The following FAM13B variants were observed in gnomAD, a reference collection of about 807,000 sequenced individuals.
The protein encoded by FAM13B is family with sequence similarity 13 member B, also known as protein FAM13B.
In FAM13B, 60 loss-of-function variants were observed where a neutral mutation model predicts 117.3. The observed-to-expected ratio is 0.51, with a 90% CI of 0.42 to 0.63. FAM13B has a LOEUF of 0.63. FAM13B is among the 30% of genes least tolerant of loss of function. The pLI is 0.00. For missense variants in FAM13B, 972 were observed against 1,091.9 expected, an observed-to-expected ratio of 0.89 and a Z score of 1.55; for synonymous variants, 332 against 356.1, an observed-to-expected ratio of 0.93 and a Z score of 0.76.
chr5:138,040,962 G>A (rs1478488033), intron 1 of FAM13B, among the ~76,000 whole-genome samples: 1 of 151,384 alleles, frequency 6.6e-6, no homozygotes, highest in African/African-American at 2.4e-5. Context: ...TACTCGAGAG[G>A]CTAAGGCAGG....
intron 10 of FAM13B, among the ~76,000 whole-genome samples, chr5:137,973,583 G>A (rs549161555): frequency 6.6e-5 from 10 of 152,262 alleles, no homozygotes; most frequent in African/African-American, 2.2e-4. Flanking sequence ...TAAAAGCAAC[G>A]GCAACAAAAG....
intron 10 of FAM13B, among the ~76,000 whole-genome samples, chr5:137,980,152 G>A (rs540074060): frequency 3.4e-5 from 5 of 146,724 alleles, no homozygotes; most frequent in African/African-American, 5.0e-5. Flanking sequence ...TAGCCGGGGC[G>A]ACAAGAATGA....
intron 10 of FAM13B, among the ~76,000 whole-genome samples, chr5:137,976,087 G>A (rs1450111984): frequency 6.7e-6 from 1 of 148,208 alleles, no homozygotes; most frequent in Non-Finnish European, 1.5e-5. Flanking sequence ...CTCCCAAGTA[G>A]CTGGGACTAC....
rs184076564 is a variant in FAM13B, at chr5:137,938,671, T to G, written c.*1554A>C. 1 of 148,784 alleles carries G rather than the reference T, an allele frequency of 6.7e-6. No individual in the cohort carries two copies. Among genetic ancestry groups the G allele is most frequent in the Non-Finnish European group, 1.5e-5 (1 of 67,212 alleles). The allele number at this position is 148,784 out of a possible 1,614,324, so 9.2% of individuals were successfully genotyped here. ...ACCCCCCACCCCCCAGAAAAAGGCA[T>G]TGCACACACGGGTGAAATGTGAAGT... On this transcript the variant is annotated 3_prime_UTR_variant, in exon 24 of 24. Coordinates refer to ENST00000689681, the MANE Select transcript of FAM13B (RefSeq NM_001385994.1).
intron 10 of FAM13B, among the ~76,000 whole-genome samples, chr5:137,980,425 T>C (rs1775366959): frequency 6.8e-6 from 1 of 147,818 alleles, no homozygotes; most frequent in African/African-American, 2.5e-5. Context: ...TATAAAGTAA[T>C]TGATACACTA....
At chr5:137,974,929 A>G (rs1773468018) in intron 10 of FAM13B, among the ~76,000 whole-genome samples, 1 of 152,196 alleles carries the variant, frequency 6.6e-6, no homozygotes, top group African/African-American at 2.4e-5. Flanking sequence ...TGTGAAGTGA[A>G]AATGACACAA....
At chr5:137,971,321 T>A in intron 10 of FAM13B, among the ~76,000 whole-genome samples, 1 of 151,958 alleles carries the variant, frequency 6.6e-6, no homozygotes. Flanking sequence ...TCAAAACTGC[T>A]CAACTACATG....
chr5:137,954,039 CTCTTTT>C, intron 15 of FAM13B, 121 bp downstream of exon 15: 1 of 621,690 alleles, frequency 1.6e-6, no homozygotes. Flanking sequence ...CTCAATCTCT[CTCTTTT>C]TTTTTTTTTT....
At chr5:137,949,205 C>A (rs1053557520) in intron 17 of FAM13B, 21 bp from the exon 18 acceptor site, 1 of 1,588,192 alleles carries the variant, frequency 6.3e-7, no homozygotes, top group Non-Finnish European at 8.6e-7. Context: ...GAAATAAGGA[C>A]AGATCAGTAA....
At position 137,987,522 on chromosome 5, in the gene FAM13B, T is replaced by G. The variant is rs1234805147; in HGVS notation, c.985A>C (p.Ser329Arg). The G allele has an allele frequency of 1.2e-6, 2 of 1,613,558 alleles. No homozygotes were observed. Among genetic ancestry groups the G allele is most frequent in the Admixed American group, 3.3e-5 (2 of 59,990 alleles). Residue 329 changes from serine (S) to arginine (R), a missense_variant, in exon 9 of 24, where the codon AGT (serine) becomes CGT (arginine). Physicochemically the swap from Ser to Arg is moderately radical, Grantham distance 110. Transcript: ENST00000689681. ...TCTGCTTCATTATTACACACCACAC[T>G]TTGCTGTTGTAAATTCTTAAGATCA... The part of the protein sequence containing the change: ...DHDLKNLQQQ[S>R]VVCNNEAESI...
Position 137,940,046 on chromosome 5 carries a change from C to T in FAM13B, c.*179G>A, listed in dbSNP as rs1761176022. ...TTAATATGGAACATCACTTACGCTC[C>T]CTTGAGAGGGCCTACTTACTCTCCC... On this transcript the variant is annotated 3_prime_UTR_variant, in exon 24 of 24. Transcript: ENST00000689681. The T allele has an allele frequency of 6.2e-7, 1 of 1,613,610 alleles. No individual in the cohort carries two copies. The highest frequency in any genetic ancestry group is 1.7e-5 in the Admixed American group (1 of 59,982).
intron 1 of FAM13B, among the ~76,000 whole-genome samples, chr5:138,042,086 G>GA (rs1263599990): frequency 3.9e-5 from 6 of 152,000 alleles, no homozygotes; most frequent in South Asian, 2.1e-4. Context: ...TTATATTGGT[G>GA]AAAAAAATGG....
At chr5:137,948,603 C>T (rs1339825385) in intron 18 of FAM13B, among the ~76,000 whole-genome samples, 1 of 152,118 alleles carries the variant, frequency 6.6e-6, no homozygotes, top group East Asian at 1.9e-4. Context: ...CTTTGTTGCT[C>T]AGGCTGGTCT....
At chr5:138,045,912 T>TC (rs1791627442) in intron 1 of FAM13B, among the ~76,000 whole-genome samples, 1 of 147,986 alleles carries the variant, frequency 6.8e-6, no homozygotes, top group Non-Finnish European at 1.5e-5. Context: ...ACCACTGCAC[T>TC]CCCACTTGGG....
chr5:137,954,568 G>A (rs1207711536), intron 14 of FAM13B, 192 bp from the exon 15 acceptor site: 3 of 294,412 alleles, frequency 1.0e-5, no homozygotes, highest in African/African-American at 6.6e-5. Flanking sequence ...TCTTCATAAA[G>A]CCTACTATAG....
At chr5:137,977,614 T>C (rs1479885255) in intron 10 of FAM13B, among the ~76,000 whole-genome samples, 2 of 152,162 alleles carry the variant, frequency 1.3e-5, no homozygotes, top group Non-Finnish European at 2.9e-5. Context: ...GGGAGCAGGT[T>C]CCCTGATATC....
intron 20 of FAM13B, 23 bp downstream of exon 20, chr5:137,945,879 G>C (rs1401195095): frequency 4.5e-6 from 7 of 1,551,582 alleles, no homozygotes; most frequent in Non-Finnish European, 6.2e-6. Context: ...ATGAACCAGA[G>C]AATTATTGCT....
Position 138,028,762 on chromosome 5 carries a change from A to C in FAM13B, c.-203+4020T>G, listed in dbSNP as rs191858952. ...GCCAGGTGCAGTGGCTCACGCCTAT[A>C]AATGCCAGCACTTTGGGAGGCCAAG... On this transcript the variant is annotated intron_variant, in intron 1 of 23. Transcript: ENST00000689681. Among the ~76,000 whole-genome samples, 238 of 152,292 alleles carry C rather than the reference A, an allele frequency of 1.6e-3. 1 individual carries two copies. Among genetic ancestry groups the C allele is most frequent in the African/African-American group, 5.4e-3 (224 of 41,570 alleles).
chr5:138,026,562 A>C (rs1444335562), intron 1 of FAM13B, among the ~76,000 whole-genome samples: 1 of 136,720 alleles, frequency 7.3e-6, no homozygotes, highest in East Asian at 2.3e-4. Context: ...AGGGAGGTAG[A>C]GGCTTCCAGT....
Sources: allele counts gnomAD v4.1 joint callset (sites outside exome capture counted in the v4.1 genomes callset), GRCh38; gene constraint gnomAD v4.1.1; transcripts MANE v1.5; gene names NCBI Gene and HGNC (gene_info 2026-07-23, HGNC 2026-07-21).